Variants in SHISA6 observed in about 807,000 individuals in gnomAD.
SHISA6 encodes the protein shisa family member 6.
A neutral mutation model predicts 47.9 loss-of-function variants in SHISA6; 22 were observed. The observed-to-expected ratio is 0.46, with a 90% CI of 0.33 to 0.66. SHISA6 has a LOEUF of 0.66. SHISA6 is among the 30% of genes least tolerant of loss of function. The probability of loss-of-function intolerance (pLI) is 0.02; values close to 1 mark genes in which losing one functional copy is unlikely to be tolerated. For missense variants in SHISA6, 680 were observed against 764.6 expected, an observed-to-expected ratio of 0.89 and a Z score of 1.30; for synonymous variants, 388 against 337.8, an observed-to-expected ratio of 1.15 and a Z score of -1.63.
In SHISA6 at chr17:11,263,492, C is replaced by T; in HGVS notation, c.765C>T (p.His255=). Residue 255 remains histidine (H), a synonymous_variant, in exon 2 of 6, where the codon CAC becomes CAT. Coordinates refer to ENST00000441885, the MANE Select transcript of SHISA6 (RefSeq NM_207386.4). ...NTPVRSSSKN[H]YTPVRTAKQT... ...CGGTCAGATCGTCCTCCAAAAACCA[C>T]TACACTCCTGTGCGTACGGCCAAGC... is the stretch of plus-strand genomic sequence containing the variant. 6.4e-7 allele frequency: 1 copy of T among 1,551,752 alleles called. No homozygotes were observed.
chr17:11,279,477 G>A (rs1012178813), intron 2 of SHISA6, among the ~76,000 whole-genome samples: 13 of 152,050 alleles, frequency 8.5e-5, no homozygotes, highest in Admixed American at 6.6e-4. Context: ...GTGATCTCAG[G>A]CCATTTCCTC....
chr17:11,247,212 G>C (rs1261432669), intron 1 of SHISA6, among the ~76,000 whole-genome samples: 1 of 152,220 alleles, frequency 6.6e-6, no homozygotes, highest in African/African-American at 2.4e-5. Flanking sequence ...AAAGTGATCT[G>C]ATTGAAAGAG....
At chr17:11,424,354 G>A (rs1914545132) in intron 3 of SHISA6, among the ~76,000 whole-genome samples, 2 of 152,118 alleles carry the variant, frequency 1.3e-5, no homozygotes, top group Non-Finnish European at 1.5e-5. Context: ...AGGATTTTGT[G>A]TATGAAATCA....
chr17:11,456,675 C>T (rs1915545003), intron 3 of SHISA6, among the ~76,000 whole-genome samples: 1 of 152,092 alleles, frequency 6.6e-6, no homozygotes, highest in Non-Finnish European at 1.5e-5. Context: ...TGGGAGGGGA[C>T]CTGAGCCCTT....
chr17:11,265,152 G>C (rs1468539402), intron 2 of SHISA6, among the ~76,000 whole-genome samples: 2 of 152,172 alleles, frequency 1.3e-5, no homozygotes, highest in Non-Finnish European at 2.9e-5. Flanking sequence ...TGATGCCTGG[G>C]CTCCACAGAA....
At chr17:11,307,416 C>G (rs1910159966) in intron 2 of SHISA6, among the ~76,000 whole-genome samples, 1 of 152,174 alleles carries the variant, frequency 6.6e-6, no homozygotes, top group Non-Finnish European at 1.5e-5. Context: ...ATAGCCAAAG[C>G]TGGGTTCCAG....
chr17:11,438,883 C>G lies in SHISA6; in HGVS notation c.895+59374C>G, dbSNP rs1344634712. ...GAGTTATGGCAAGATTGGGTTCCCCCAAGACGAAGATTCATGTGCAGCTGA... is the reference window on the plus strand; with the variant it reads ...GAGTTATGGCAAGATTGGGTTCCCCGAAGACGAAGATTCATGTGCAGCTGA... On this transcript the variant is annotated intron_variant, in intron 3 of 5. Transcript: ENST00000441885. Among the ~76,000 whole-genome samples the G allele has an allele frequency of 2.0e-5, 3 of 152,174 alleles. No homozygotes were observed. In the East Asian group the frequency reaches 5.8e-4, roughly 29 times the overall value.
chr17:11,554,484 T>G (rs773787323), intron 4 of SHISA6, among the ~76,000 whole-genome samples: 6 of 152,136 alleles, frequency 3.9e-5, no homozygotes, highest in Non-Finnish European at 7.4e-5. Context: ...GTCTCCCACC[T>G]CTCACACAGT....
chr17:11,533,858 T>C (rs1255894387), intron 3 of SHISA6, among the ~76,000 whole-genome samples: 1 of 152,206 alleles, frequency 6.6e-6, no homozygotes, highest in African/African-American at 2.4e-5. Flanking sequence ...CCCAAAGTGC[T>C]GGGATTACAG....
chr17:11,320,385 T>C (rs985911265), intron 2 of SHISA6, among the ~76,000 whole-genome samples: 44 of 151,472 alleles, frequency 2.9e-4, no homozygotes, highest in Middle Eastern at 3.5e-3. Context: ...AGAGGCTGGG[T>C]GCTGTGGCTC....
intron 2 of SHISA6, among the ~76,000 whole-genome samples, chr17:11,267,873 TAA>T (rs1908484952): frequency 6.6e-6 from 1 of 152,042 alleles, no homozygotes; most frequent in Non-Finnish European, 1.5e-5. Flanking sequence ...CAAGTAGAAA[TAA>T]AAAGATTGTT....
At chr17:11,344,291 A>G (rs1396173036) in intron 2 of SHISA6, among the ~76,000 whole-genome samples, 1 of 152,086 alleles carries the variant, frequency 6.6e-6, no homozygotes. Flanking sequence ...AACTTTTCTG[A>G]TGGTGTCCTT....
chr17:11,361,242 A>G (rs904428885), intron 2 of SHISA6, among the ~76,000 whole-genome samples: 1 of 151,868 alleles, frequency 6.6e-6, no homozygotes, highest in African/African-American at 2.4e-5. Flanking sequence ...TTTAGTTCAT[A>G]TATACATTGT....
At chr17:11,546,614 G>GAAGGC (rs2071885546) in intron 3 of SHISA6, among the ~76,000 whole-genome samples, 1 of 152,172 alleles carries the variant, frequency 6.6e-6, no homozygotes, top group African/African-American at 2.4e-5. Flanking sequence ...AAGGCAAAAA[G>GAAGGC]AAGGCATTAA....
intron 3 of SHISA6, among the ~76,000 whole-genome samples, chr17:11,463,613 C>T (rs758988157): frequency 1.3e-5 from 2 of 152,048 alleles, no homozygotes; most frequent in Non-Finnish European, 2.9e-5. Flanking sequence ...GTGAGATTAC[C>T]CTATGCATAT....
intron 2 of SHISA6, among the ~76,000 whole-genome samples, chr17:11,272,946 AGTTCCT>A (rs1158399459): frequency 1.3e-5 from 2 of 152,192 alleles, no homozygotes; most frequent in Admixed American, 1.3e-4. Flanking sequence ...GTGATGCCTG[AGTTCCT>A]GTGTCTTGTT....
At chr17:11,543,919 A>AAC (rs1391152468) in intron 3 of SHISA6, among the ~76,000 whole-genome samples, 2 of 149,780 alleles carry the variant, frequency 1.3e-5, no homozygotes, top group African/African-American at 4.9e-5. Flanking sequence ...GCAAAAAAAA[A>AAC]AAAAAAACAA....
At chr17:11,476,467 A>G (rs2142326235) in intron 3 of SHISA6, among the ~76,000 whole-genome samples, 1 of 152,068 alleles carries the variant, frequency 6.6e-6, no homozygotes, top group South Asian at 2.1e-4. Flanking sequence ...ACAAATTTTG[A>G]TAAGTTGTGT....
intron 2 of SHISA6, among the ~76,000 whole-genome samples, chr17:11,323,684 TAATA>T (rs1910784305): frequency 6.7e-6 from 1 of 150,164 alleles, no homozygotes; most frequent in Admixed American, 6.7e-5. Context: ...ATAATAATAA[TAATA>T]ATAATAATAA....
Sources: gnomAD v4.1 joint callset for allele counts (sites outside exome capture counted in the v4.1 genomes callset) on GRCh38, gnomAD v4.1.1 for gene constraint, MANE v1.5 for transcripts, NCBI Gene and HGNC (gene_info 2026-07-23, HGNC 2026-07-21) for gene names.